The following KIAA1549L variants were observed in gnomAD, a reference collection of about 807,000 sequenced individuals.
The protein encoded by KIAA1549L is UPF0606 protein KIAA1549L.
In KIAA1549L, 88 loss-of-function variants were observed where a neutral mutation model predicts 160.7. The observed-to-expected ratio is 0.55, with a 90% confidence interval of 0.46 to 0.65. KIAA1549L has a LOEUF of 0.65. Among genes scored for constraint, KIAA1549L ranks in the 30% least tolerant of loss-of-function variants. The pLI, the probability that KIAA1549L is intolerant of heterozygous loss-of-function variation, is 0.00. For missense variants in KIAA1549L, 2,258 were observed against 2,437.5 expected, an observed-to-expected ratio of 0.93 and a Z score of 1.55; for synonymous variants, 950 against 976.7, an observed-to-expected ratio of 0.97 and a Z score of 0.51.
In KIAA1549L at chr11:33,542,645, T is replaced by C. The variant is rs1165968818; in HGVS notation, c.1082T>C (p.Leu361Pro). 85 of 1,613,666 alleles carry C rather than the reference T, an allele frequency of 5.3e-5. No homozygotes were observed. Among genetic ancestry groups the C allele is most frequent in the Non-Finnish European group, 7.0e-5 (82 of 1,179,836 alleles). Residue 361 changes from leucine (L) to proline (P), a missense_variant, in exon 2 of 21, where the codon CTT (leucine) becomes CCT (proline). By Grantham distance (98) the Leu-to-Pro change is moderately conservative. This residue lies in a region of KIAA1549L where 540 missense variants were observed against 465.7 expected (regional missense o/e 1.16). Transcript: ENST00000658780. ...LSHPSPPPPA[L>P]GSLLQLPDGS... Reference sequence around the variant, plus strand: ...CATCCGTCTCCCCCTCCCCCAGCACTTGGAAGTCTTCTTCAGCTTCCAGAT... The same window carrying C: ...CATCCGTCTCCCCCTCCCCCAGCACCTGGAAGTCTTCTTCAGCTTCCAGAT...
At chr11:33,425,212 CTAGAGCAGAAG>C in intron 1 of KIAA1549L, among the ~76,000 whole-genome samples, 1 of 152,176 alleles carries the variant, frequency 6.6e-6, no homozygotes, top group Non-Finnish European at 1.5e-5. Flanking sequence ...ACGTTAGTAT[CTAGAGCAGAAG>C]AGAACTTACC....
intron 1 of KIAA1549L, among the ~76,000 whole-genome samples, chr11:33,508,990 A>ATT (rs1238301580): frequency 6.6e-6 from 1 of 152,176 alleles, no homozygotes; most frequent in Non-Finnish European, 1.5e-5. Flanking sequence ...CAACTCTCAA[A>ATT]TGACAGTTGA....
At chr11:33,508,837 G>A (rs777628198) in intron 1 of KIAA1549L, among the ~76,000 whole-genome samples, 2 of 152,198 alleles carry the variant, frequency 1.3e-5, no homozygotes, top group African/African-American at 2.4e-5. Context: ...CTGTAGGCCA[G>A]CCCATTTCCT....
At chr11:33,584,079 A>G (rs1855732707) in intron 11 of KIAA1549L, among the ~76,000 whole-genome samples, 1 of 152,238 alleles carries the variant, frequency 6.6e-6, no homozygotes, top group African/African-American at 2.4e-5. Flanking sequence ...AGGAGGCCCT[A>G]GAGAGCTCTC....
chr11:33,667,709 T>G (rs1341441762), intron 20 of KIAA1549L, among the ~76,000 whole-genome samples, 164 bp from the exon 21 acceptor site: 1 of 152,194 alleles, frequency 6.6e-6, no homozygotes, highest in African/African-American at 2.4e-5. Flanking sequence ...CTAAACAAAC[T>G]GACTCTGAGT....
In KIAA1549L at chr11:33,413,777, C is replaced by G. The variant is rs573433253; in HGVS notation, c.238+36888C>G. Among the ~76,000 whole-genome samples, 3 of 152,272 alleles carry G rather than the reference C, an allele frequency of 2.0e-5. No individual in the cohort carries two copies. In the East Asian group the frequency reaches 5.8e-4, roughly 29 times the overall value. Reference sequence around the variant, plus strand: ...TGAAAATCTTAACATGTTAAGAGGTCTGCATGAACTGCTGAAGTGGACTTC... The same window carrying G: ...TGAAAATCTTAACATGTTAAGAGGTGTGCATGAACTGCTGAAGTGGACTTC... On this transcript the variant is annotated intron_variant, in intron 1 of 20. Coordinates refer to ENST00000658780, the MANE Select transcript of KIAA1549L (RefSeq NM_012194.3).
At chr11:33,653,150 A>T (rs186919451) in intron 17 of KIAA1549L, among the ~76,000 whole-genome samples, 1 of 152,316 alleles carries the variant, frequency 6.6e-6, no homozygotes, top group Non-Finnish European at 1.5e-5. Flanking sequence ...GGCTAGGGGC[A>T]AGATATTTTG....
intron 1 of KIAA1549L, among the ~76,000 whole-genome samples, chr11:33,530,436 A>ATAT (rs1422236534): frequency 3.4e-4 from 4 of 11,826 alleles, no homozygotes; most frequent in Admixed American, 1.4e-3. Flanking sequence ...AAAAAAAAAA[A>ATAT]ATATATATAT....
chr11:33,441,904 T>C (rs1274813689), intron 1 of KIAA1549L, among the ~76,000 whole-genome samples: 1 of 152,198 alleles, frequency 6.6e-6, no homozygotes, highest in Non-Finnish European at 1.5e-5. Context: ...TCTTTTGCTG[T>C]GCAGAAGCTC....
chr11:33,419,986 A>G (rs1850972174), intron 1 of KIAA1549L, among the ~76,000 whole-genome samples: 1 of 152,184 alleles, frequency 6.6e-6, no homozygotes, highest in Non-Finnish European at 1.5e-5. Flanking sequence ...CTTCCTTGTA[A>G]TAAACAGTGG....
At chr11:33,469,115 T>C (rs1445938390) in intron 1 of KIAA1549L, among the ~76,000 whole-genome samples, 1 of 152,206 alleles carries the variant, frequency 6.6e-6, no homozygotes, top group Non-Finnish European at 1.5e-5. Flanking sequence ...TGTGCAGAGT[T>C]GTACAACTAT....
Position 33,422,695 on chromosome 11 carries a change from CT to C in KIAA1549L, c.238+45807del, listed in dbSNP as rs1398515837. On this transcript the variant is annotated intron_variant, in intron 1 of 20. Transcript: ENST00000658780. Reference sequence around the variant, plus strand: ...CAACTGTAAGATGCCTTTTTCACCCCTCCCTATGCTCACTCCTCTTTCTGAG... The same window carrying C: ...CAACTGTAAGATGCCTTTTTCACCCCCCCTATGCTCACTCCTCTTTCTGAG... Among the ~76,000 whole-genome samples the C allele has an allele frequency of 5.3e-5, 8 of 151,458 alleles. No homozygotes were observed. The East Asian group carries it at 1.5e-3, about 29-fold the overall frequency.
At chr11:33,469,766 C>T (rs2133022431) in intron 1 of KIAA1549L, among the ~76,000 whole-genome samples, 2 of 152,314 alleles carry the variant, frequency 1.3e-5, no homozygotes, top group South Asian at 4.1e-4. Flanking sequence ...TCCCTAATGG[C>T]TAATGATGTG....
At chr11:33,490,467 G>T (rs929575410) in intron 1 of KIAA1549L, among the ~76,000 whole-genome samples, 3 of 152,012 alleles carry the variant, frequency 2.0e-5, no homozygotes, top group African/African-American at 7.3e-5. Flanking sequence ...GGGACCACAG[G>T]TGTGTGCCAC....
chr11:33,489,155 TGGGTGGCTTAAACAACA>T (rs1455805096), intron 1 of KIAA1549L, among the ~76,000 whole-genome samples: 1 of 152,174 alleles, frequency 6.6e-6, no homozygotes, highest in Non-Finnish European at 1.5e-5. Flanking sequence ...TAGCAAAGAC[TGGGTGGCTTAAACAACA>T]GGAATTTATT....
chr11:33,463,503 A>G (rs1851984362), intron 1 of KIAA1549L, among the ~76,000 whole-genome samples: 1 of 152,226 alleles, frequency 6.6e-6, no homozygotes, highest in South Asian at 2.1e-4. Flanking sequence ...GTGAGAGACC[A>G]AGCCCATACC....
At chr11:33,498,638 G>T (rs1319215312) in intron 1 of KIAA1549L, among the ~76,000 whole-genome samples, 2 of 152,200 alleles carry the variant, frequency 1.3e-5, no homozygotes, top group Non-Finnish European at 2.9e-5. Context: ...TAAAGCCTGG[G>T]ATCAGATGTC....
chr11:33,661,066 A>G, intron 20 of KIAA1549L, 52 bp downstream of exon 20: 2 of 1,515,840 alleles, frequency 1.3e-6, no homozygotes, highest in South Asian at 1.2e-5. Context: ...AACACATGCC[A>G]AAAAGTAAAT....
intron 17 of KIAA1549L, among the ~76,000 whole-genome samples, chr11:33,651,935 C>T (rs911738312): frequency 5.5e-5 from 7 of 126,214 alleles, no homozygotes; most frequent in Admixed American, 1.6e-4. Flanking sequence ...CCCTCCCTTC[C>T]TTCCTTCGTT....
Sources: gnomAD v4.1 joint callset for allele counts (sites outside exome capture counted in the v4.1 genomes callset) on GRCh38, gnomAD v4.1.1 for gene constraint, gnomAD v4.1.1 regional missense constraint, MANE v1.5 for transcripts, NCBI Gene and HGNC (gene_info 2026-07-23, HGNC 2026-07-21) for gene names.